The following YWHAE variants were observed in gnomAD, a reference collection of about 807,000 sequenced individuals.
The protein encoded by YWHAE is 14-3-3 protein epsilon.
YWHAE carries 4 observed loss-of-function variants against 30.1 expected under a neutral mutation model. The ratio of observed to expected loss-of-function variants is 0.13; its 90% CI spans 0.07 to 0.30. The LOEUF is 0.30. YWHAE is among the 10% of genes least tolerant of loss of function. YWHAE has a pLI of 1.00. For synonymous variants in YWHAE, 118 were observed against 111.8 expected, an observed-to-expected ratio of 1.06 and a Z score of -0.35; for missense variants, 121 against 315.9, an observed-to-expected ratio of 0.38 and a Z score of 4.68.
intron 4 of YWHAE, among the ~76,000 whole-genome samples, chr17:1,357,012 G>C (rs2072757876): frequency 1.3e-5 from 2 of 151,738 alleles, no homozygotes; most frequent in South Asian, 2.1e-4. Context: ...GCTCACGCCT[G>C]TAATCCCAGC....
chr17:1,388,082 C>T (rs537818565), intron 1 of YWHAE, among the ~76,000 whole-genome samples: 22 of 146,034 alleles, frequency 1.5e-4, no homozygotes, highest in Admixed American at 6.9e-4. Context: ...CGTGCCACCA[C>T]CACGCCTGGG....
chr17:1,398,599 T>C (rs147431233), intron 1 of YWHAE, among the ~76,000 whole-genome samples: 90 of 152,236 alleles, frequency 5.9e-4, no homozygotes, highest in African/African-American at 2.0e-3. Flanking sequence ...CAAAGATACT[T>C]GATTCCAACC....
chr17:1,359,335 C>T (rs1303924257), intron 4 of YWHAE, among the ~76,000 whole-genome samples: 1 of 151,974 alleles, frequency 6.6e-6, no homozygotes. Context: ...ACAGAATTTT[C>T]AGTCCCAATT....
At chr17:1,346,100 C>T (rs2072512344) in intron 5 of YWHAE, among the ~76,000 whole-genome samples, 1 of 152,120 alleles carries the variant, frequency 6.6e-6, no homozygotes, top group Non-Finnish European at 1.5e-5. Context: ...TAAATCAGAC[C>T]ACTGAGGTTA....
intron 1 of YWHAE, among the ~76,000 whole-genome samples, chr17:1,393,417 A>G (rs1345449068): frequency 6.6e-6 from 1 of 152,016 alleles, no homozygotes; most frequent in African/African-American, 2.4e-5. Flanking sequence ...CAGTACAGAC[A>G]TTATGATAAA....
At chr17:1,364,762 A>G in intron 2 of YWHAE, 97 bp downstream of exon 2, 1 of 1,341,270 alleles carries the variant, frequency 7.5e-7, no homozygotes, top group Non-Finnish European at 1.0e-6. Flanking sequence ...TACAAGTTAT[A>G]TGAATGTAGT....
chr17:1,366,027 C>T (rs1043025168), intron 1 of YWHAE, among the ~76,000 whole-genome samples: 2 of 151,936 alleles, frequency 1.3e-5, no homozygotes, highest in African/African-American at 4.8e-5. Flanking sequence ...ACTATCCTGG[C>T]CAACATGGTG....
In YWHAE at chr17:1,370,410, C is replaced by T. The variant is rs150208307; in HGVS notation, c.65-5352G>A. On this transcript the variant is annotated intron_variant, in intron 1 of 5. Coordinates refer to ENST00000264335, the MANE Select transcript of YWHAE (RefSeq NM_006761.5). Reference sequence around the variant, plus strand: ...CCTCCCAAAGTGCTGGGATTACAGGCGTGAGCCACCGCGACTGGCCAGAAC... The same window carrying T: ...CCTCCCAAAGTGCTGGGATTACAGGTGTGAGCCACCGCGACTGGCCAGAAC... 6.5e-3 allele frequency among the ~76,000 whole-genome samples: 984 copies of T among 151,864 alleles called. 14 individuals are homozygous for T. Among genetic ancestry groups the T allele is most frequent in the African/African-American group, 0.015 (633 of 41,430 alleles).
At chr17:1,358,206 C>T (rs898648635) in intron 4 of YWHAE, among the ~76,000 whole-genome samples, 1 of 152,056 alleles carries the variant, frequency 6.6e-6, no homozygotes, top group Non-Finnish European at 1.5e-5. Context: ...TTCGGCAACA[C>T]AGCCAGACCC....
intron 4 of YWHAE, among the ~76,000 whole-genome samples, chr17:1,355,148 A>ATTTTTTTTT (rs1271496520): frequency 6.5e-5 from 5 of 76,796 alleles, no homozygotes; most frequent in African/African-American, 2.2e-4. Context: ...AAAAAAAAAA[A>ATTTTTTTTT]TTTTTTTTTT....
At chr17:1,354,513 A>C (rs185229677) in intron 4 of YWHAE, among the ~76,000 whole-genome samples, 166 bp from the exon 5 acceptor site, 1 of 152,330 alleles carries the variant, frequency 6.6e-6, no homozygotes, top group East Asian at 1.9e-4. Context: ...AGGTATGTGG[A>C]ACACTACTTC....
At position 1,386,159 on chromosome 17, in the gene YWHAE, ATAT is replaced by A. The variant is rs369120945; in HGVS notation, c.64+13885_64+13887del. 2.1e-4 allele frequency among the ~76,000 whole-genome samples: 32 copies of A among 152,292 alleles called. No individual in the cohort carries two copies. In the East Asian group the frequency reaches 4.1e-3, roughly 19 times the overall value. ...AGAAATAGCCAATAAACAGTAGATGATATTATTATTACAGGGTTTCATCACAAT... is the reference window on the plus strand; with the variant it reads ...AGAAATAGCCAATAAACAGTAGATGATATTATTACAGGGTTTCATCACAAT... On this transcript the variant is annotated intron_variant, in intron 1 of 5. Transcript: ENST00000264335.
At chr17:1,380,183 G>A (rs924786219) in intron 1 of YWHAE, among the ~76,000 whole-genome samples, 2 of 148,640 alleles carry the variant, frequency 1.3e-5, no homozygotes, top group Admixed American at 6.8e-5. Context: ...GCACGATCTC[G>A]GCTCACTGCA....
Position 1,374,406 on chromosome 17 carries a change from GTTCT to G in YWHAE, c.65-9352_65-9349del, listed in dbSNP as rs543868287. On this transcript the variant is annotated intron_variant, in intron 1 of 5. Coordinates refer to ENST00000264335, the MANE Select transcript of YWHAE (RefSeq NM_006761.5). ...TATTATAAACAATGCTGCTACGAAC[GTTCT>G]TTAAGTTTTTGTATGAATAAATGCT... 5.9e-5 allele frequency among the ~76,000 whole-genome samples: 9 copies of G among 151,996 alleles called. 1 individual carries two copies. The highest frequency in any genetic ancestry group is 2.6e-4 in the Admixed American group (4 of 15,252).
chr17:1,364,475 C>G (rs1050027731), intron 2 of YWHAE, among the ~76,000 whole-genome samples: 1 of 152,174 alleles, frequency 6.6e-6, no homozygotes, highest in Non-Finnish European at 1.5e-5. Context: ...ATCCGCCCAC[C>G]TCAGCCTCCC....
intron 5 of YWHAE, among the ~76,000 whole-genome samples, chr17:1,353,174 T>C (rs2072664617): frequency 1.3e-5 from 2 of 152,054 alleles, no homozygotes; most frequent in South Asian, 4.2e-4. Flanking sequence ...CACGGTGGCT[T>C]GCGCCTGTAA....
chr17:1,398,106 T>C (rs915676876), intron 1 of YWHAE, among the ~76,000 whole-genome samples: 12 of 152,186 alleles, frequency 7.9e-5, no homozygotes, highest in African/African-American at 2.7e-4. Context: ...CCTCACATCC[T>C]TTCTAGTTAT....
chr17:1,391,430 A>C (rs2073388174), intron 1 of YWHAE, among the ~76,000 whole-genome samples: 1 of 152,204 alleles, frequency 6.6e-6, no homozygotes, highest in Admixed American at 6.5e-5. Context: ...GGGTGACCAC[A>C]AGGCAAGTTT....
rs570047229 is a variant in YWHAE at position 1,364,386 on chromosome 17, C to T, written c.264+473G>A. Among the ~76,000 whole-genome samples the T allele has an allele frequency of 7.9e-5, 12 of 152,144 alleles. 1 individual carries two copies. The South Asian group carries it at 1.2e-3, about 16-fold the overall frequency. ...GGACCACAGGCTCCCGCCACCACGC[C>T]CAGCTAATGTTTTGTATTTTTAGTA... On this transcript the variant is annotated intron_variant, in intron 2 of 5. Coordinates refer to ENST00000264335, the MANE Select transcript of YWHAE (RefSeq NM_006761.5).
Sources: allele counts gnomAD v4.1 joint callset (sites outside exome capture counted in the v4.1 genomes callset), GRCh38; gene constraint gnomAD v4.1.1; transcripts MANE v1.5; gene names NCBI Gene and HGNC (gene_info 2026-07-23, HGNC 2026-07-21).